SH3PXD2B: variants seen among roughly 807,000 people sequenced by gnomAD.
SH3PXD2B encodes the protein SH3 and PX domains 2B.
Under a neutral mutation model 73.1 loss-of-function variants are expected in SH3PXD2B, and 37 were observed. The observed-to-expected ratio is 0.51, with a 90% confidence interval of 0.39 to 0.67. The LOEUF (loss-of-function observed/expected upper bound fraction) is 0.67, where lower values mean the gene tolerates loss of function less well. Ranked by LOEUF, SH3PXD2B falls within the 30% of genes least tolerant of loss-of-function variation. The pLI, the probability that SH3PXD2B is intolerant of heterozygous loss-of-function variation, is 0.00. For missense variants in SH3PXD2B, 1,053 were observed against 1,197.8 expected (o/e 0.88, Z 1.78); for synonymous variants, 457 against 480.5 (o/e 0.95, Z 0.64).
rs954278941 is a variant in SH3PXD2B at position 172,335,689 on chromosome 5, C to T, written c.*2680G>A. 1.6e-6 allele frequency: 2 copies of T among 1,231,730 alleles called. No homozygotes were observed. The highest frequency in any genetic ancestry group is 4.1e-5 in the South Asian group (1 of 24,310). The allele number at this position is 1,231,730 out of a possible 1,614,324, so 76.3% of individuals were successfully genotyped here. On this transcript the variant is annotated 3_prime_UTR_variant, in exon 13 of 13. Transcript: ENST00000311601. ...GGAGTTCTGCATATGCGCCATCAAT[C>T]GCTCACAGAATAGCGACCACAGTCC...
chr5:172,419,815 C>T (rs1436338544), intron 2 of SH3PXD2B, among the ~76,000 whole-genome samples: 1 of 152,204 alleles, frequency 6.6e-6, no homozygotes, highest in Non-Finnish European at 1.5e-5. Context: ...TCCTCTTCTG[C>T]TCCTTGGAGG....
rs1491399901 is a variant in SH3PXD2B, at chr5:172,368,511, TAA to T, written c.427+5277_427+5278del. Among the ~76,000 whole-genome samples the T allele has an allele frequency of 9.9e-4, 23 of 23,250 alleles. 3 individuals are homozygous for T. Among genetic ancestry groups the T allele is most frequent in the African/African-American group, 4.5e-3 (17 of 3,770 alleles). 15.3% of individuals were successfully genotyped at this position (23,250 alleles called of 152,430 possible). On this transcript the variant is annotated intron_variant, in intron 6 of 12. Transcript: ENST00000311601. The stretch of plus-strand genomic sequence containing the variant: ...TATATATATATTATATATATATATA[TAA>T]AATATATATATATTATATATATATA...
chr5:172,423,706 C>CA (rs1242649021), intron 1 of SH3PXD2B, among the ~76,000 whole-genome samples: 1 of 152,140 alleles, frequency 6.6e-6, no homozygotes, highest in Non-Finnish European at 1.5e-5. Flanking sequence ...GGCTGGAGTG[C>CA]AGTGACACAA....
At position 172,357,448 on chromosome 5, in the gene SH3PXD2B, T is replaced by C. The variant is rs376201005; in HGVS notation, c.667+1325A>G. 1.9e-4 allele frequency among the ~76,000 whole-genome samples: 29 copies of C among 150,968 alleles called. No individual in the cohort carries two copies. In the South Asian group the frequency reaches 5.7e-3, roughly 29 times the overall value. On this transcript the variant is annotated intron_variant, in intron 8 of 12. Transcript: ENST00000311601. ...CAAAAAAAAAAAAGAAAGTACTACC[T>C]GTGGTCGAGGGAAGAAAATAAATGT...
chr5:172,349,150 C>A (rs1757096912), intron 10 of SH3PXD2B, among the ~76,000 whole-genome samples: 1 of 152,242 alleles, frequency 6.6e-6, no homozygotes, highest in Non-Finnish European at 1.5e-5. Flanking sequence ...AGAACCCCTG[C>A]CACAGCATGT....
intron 7 of SH3PXD2B, among the ~76,000 whole-genome samples, chr5:172,359,956 A>G (rs1439334118): frequency 6.6e-6 from 1 of 152,178 alleles, no homozygotes; most frequent in East Asian, 1.9e-4. Flanking sequence ...AAGAAGGAAG[A>G]AAGGGCCATG....
At position 172,339,757 on chromosome 5, in the gene SH3PXD2B, C is replaced by A. The variant is rs1004143265; in HGVS notation, c.1348G>T (p.Gly450Trp). ...LPHEVTQLRL[G>W]EAAALENNTG... ...TTGTTCTCCAGCGCTGCTGCTTCCC[C>A]CAGCCGGAGCTGGGTCACCTCGTGG... The change falls in exon 13 of 13, where the codon GGG becomes TGG. Residue 450 changes from glycine to tryptophan, a missense_variant. This residue lies in a region of SH3PXD2B where 466 missense variants were observed against 607.1 expected (regional missense o/e 0.77). Coordinates refer to ENST00000311601, the MANE Select transcript of SH3PXD2B (RefSeq NM_001017995.3). The surrounding 1 kb of genome is among the most constrained non-coding windows in gnomAD (Gnocchi z 6.1). 2 of 1,613,130 alleles carry A rather than the reference C, an allele frequency of 1.2e-6. No individual in the cohort carries two copies. Among genetic ancestry groups the A allele is most frequent in the East Asian group, 2.2e-5 (1 of 44,866 alleles).
At chr5:172,341,647 G>GTATT (rs966781278) in intron 12 of SH3PXD2B, among the ~76,000 whole-genome samples, 5 of 152,112 alleles carry the variant, frequency 3.3e-5, no homozygotes, top group African/African-American at 1.2e-4. Context: ...CCAGTCTCAG[G>GTATT]TATTTATTTA....
chr5:172,361,799 C>T (rs530436697), intron 7 of SH3PXD2B, among the ~76,000 whole-genome samples: 27 of 152,330 alleles, frequency 1.8e-4, no homozygotes, highest in African/African-American at 6.5e-4. Flanking sequence ...GTTTGGCTGG[C>T]TGGCGCTGGT....
chr5:172,353,857 C>T lies in SH3PXD2B; in HGVS notation c.785+31G>A, dbSNP rs758748458. 1 of 1,595,838 alleles carries T rather than the reference C, an allele frequency of 6.3e-7. No homozygotes were observed. Among genetic ancestry groups the T allele is most frequent in the South Asian group, 1.1e-5 (1 of 90,680 alleles). On this transcript the variant is annotated intron_variant, in intron 9 of 12. Coordinates refer to ENST00000311601, the MANE Select transcript of SH3PXD2B (RefSeq NM_001017995.3). The surrounding 1 kb of genome is among the most constrained non-coding windows in gnomAD (Gnocchi z 4.3). ...CCCACCCAGCGTGACCCCAAACCCACCCAGCAACCGTGGGGGGCAGCGGCT... is the reference window on the plus strand; with the variant it reads ...CCCACCCAGCGTGACCCCAAACCCATCCAGCAACCGTGGGGGGCAGCGGCT...
chr5:172,372,780 C>A (rs1056011109), intron 6 of SH3PXD2B, among the ~76,000 whole-genome samples: 2 of 152,154 alleles, frequency 1.3e-5, no homozygotes, highest in Non-Finnish European at 2.9e-5. Flanking sequence ...CTTCTAGGAT[C>A]TCTGTTCGCA....
At chr5:172,344,106 A>T (rs974821662) in intron 12 of SH3PXD2B, among the ~76,000 whole-genome samples, 3 of 152,132 alleles carry the variant, frequency 2.0e-5, no homozygotes, top group African/African-American at 7.2e-5. Flanking sequence ...CATCATCATC[A>T]TCATCATCAT....
intron 3 of SH3PXD2B, among the ~76,000 whole-genome samples, chr5:172,401,390 G>A (rs769261305): frequency 9.8e-5 from 15 of 152,318 alleles, no homozygotes; most frequent in Admixed American, 2.6e-4. Flanking sequence ...GAGCTGAGGC[G>A]TTAGATCAGG....
intron 1 of SH3PXD2B, among the ~76,000 whole-genome samples, chr5:172,431,255 C>G (rs1298362569): frequency 2.0e-5 from 3 of 152,250 alleles, no homozygotes; most frequent in Non-Finnish European, 2.9e-5. Flanking sequence ...CAATCAGGTT[C>G]TTTCTTTCTC....
chr5:172,355,340 G>A (rs1194932047), intron 8 of SH3PXD2B, among the ~76,000 whole-genome samples: 3 of 152,204 alleles, frequency 2.0e-5, no homozygotes, highest in Non-Finnish European at 4.4e-5. Flanking sequence ...ACAGTCCGCC[G>A]TTCCCCTCCT....
intron 5 of SH3PXD2B, 26 bp downstream of exon 5, chr5:172,382,010 C>G (rs766674280): frequency 2.0e-5 from 32 of 1,588,084 alleles, no homozygotes; most frequent in Non-Finnish European, 2.6e-5. Flanking sequence ...GGGGCTCCAT[C>G]TGGGGAAGCC....
At chr5:172,379,954 C>CA (rs1182789568) in intron 5 of SH3PXD2B, among the ~76,000 whole-genome samples, 17 of 152,328 alleles carry the variant, frequency 1.1e-4, no homozygotes, top group African/African-American at 3.6e-4. Flanking sequence ...AATTCACCTT[C>CA]ACCTCTTCCA....
At chr5:172,375,620 G>C (rs1301415197) in intron 5 of SH3PXD2B, among the ~76,000 whole-genome samples, 2 of 152,154 alleles carry the variant, frequency 1.3e-5, no homozygotes, top group African/African-American at 4.8e-5. Flanking sequence ...GGCCTTTTGT[G>C]TCTGGCTTCT....
intron 1 of SH3PXD2B, among the ~76,000 whole-genome samples, chr5:172,447,869 T>G (rs1456530008): frequency 6.7e-6 from 1 of 148,344 alleles, no homozygotes; most frequent in African/African-American, 2.5e-5. Flanking sequence ...GAGGGGCTGG[T>G]GCATTGCACC....
Sources: gnomAD v4.1 joint callset for allele counts (sites outside exome capture counted in the v4.1 genomes callset) on GRCh38, gnomAD v4.1.1 for gene constraint, gnomAD v4.1.1 regional missense constraint, Gnocchi (gnomAD v3.1) non-coding constraint, MANE v1.5 for transcripts, NCBI Gene and HGNC (gene_info 2026-07-23, HGNC 2026-07-21) for gene names.